FAM20B: variants seen among roughly 807,000 people sequenced by gnomAD.
The protein encoded by FAM20B is FAM20B glycosaminoglycan xylosylkinase.
FAM20B carries 23 observed loss-of-function variants against 43.8 expected under a neutral mutation model. The ratio of observed to expected loss-of-function variants is 0.53; its 90% CI spans 0.38 to 0.74. The LOEUF (loss-of-function observed/expected upper bound fraction) is 0.74, where lower values mean the gene tolerates loss of function less well. Ranked by LOEUF, FAM20B falls within the 30% of genes least tolerant of loss-of-function variation. The pLI, the probability that FAM20B is intolerant of heterozygous loss-of-function variation, is 0.00. For synonymous variants in FAM20B, 178 were observed against 192.4 expected (o/e 0.93, Z 0.62); for missense variants, 440 against 510.5 (o/e 0.86, Z 1.33).
Position 179,050,286 on chromosome 1 carries a change from C to A in FAM20B, c.385C>A (p.Arg129=). ...TTCCCATTCACTTTGCAGGTATAGCCGAGACCATGTGGTGGAAGGGGAACC... is the reference window on the plus strand; with the variant it reads ...TTCCCATTCACTTTGCAGGTATAGCAGAGACCATGTGGTGGAAGGGGAACC... ...KVVFKPKRYS[R]DHVVEGEPYA... The change falls in exon 3 of 8, where the codon CGA becomes AGA. Residue 129 remains arginine (R), a synonymous_variant. Transcript: ENST00000263733. 2 of 1,613,076 alleles carry A rather than the reference C, an allele frequency of 1.2e-6. No homozygotes were observed. The highest frequency in any genetic ancestry group is 2.2e-5 in the East Asian group (1 of 44,870).
At chr1:179,052,350 T>C (rs982219331) in intron 3 of FAM20B, among the ~76,000 whole-genome samples, 1 of 152,206 alleles carries the variant, frequency 6.6e-6, no homozygotes, top group African/African-American at 2.4e-5. Flanking sequence ...ATACTGTTTT[T>C]ACCTGTTGAA....
intron 2 of FAM20B, among the ~76,000 whole-genome samples, chr1:179,049,924 ACT>A (rs1157732166): frequency 6.6e-6 from 1 of 152,230 alleles, no homozygotes; most frequent in African/African-American, 2.4e-5. Context: ...TTAAGCACCA[ACT>A]ATGTGCTTAA....
the FAM20B span, among the ~76,000 whole-genome samples, chr1:179,020,033 G>C: frequency 6.6e-6 from 1 of 151,960 alleles, no homozygotes; most frequent in South Asian, 2.1e-4. Context: ...CCTCTGTTCG[G>C]GTCACCTCCC....
At chr1:179,036,715 T>C (rs759113563) in intron 1 of FAM20B, among the ~76,000 whole-genome samples, 25 of 152,154 alleles carry the variant, frequency 1.6e-4, no homozygotes, top group Non-Finnish European at 4.4e-5. Context: ...GTGAAGGGGA[T>C]CATTCTAAGG....
chr1:179,052,269 T>A (rs1424808044), intron 3 of FAM20B, among the ~76,000 whole-genome samples: 1 of 152,170 alleles, frequency 6.6e-6, no homozygotes, highest in Non-Finnish European at 1.5e-5. Context: ...ATAAACATTG[T>A]CAATTGCTAA....
rs573699107 is a variant in FAM20B, at chr1:179,062,806, A to G, written c.575-1121A>G. Among the ~76,000 whole-genome samples, 3 of 152,176 alleles carry G rather than the reference A, an allele frequency of 2.0e-5. No individual in the cohort carries two copies. In the East Asian group the frequency reaches 5.8e-4, roughly 29 times the overall value. On this transcript the variant is annotated intron_variant, in intron 4 of 7. Transcript: ENST00000263733. ...TGGTGAGAAGCCTGGTTACTGTTAC[A>G]CTCAGTCTGTCTACTTATTTGCTCA... is the stretch of plus-strand genomic sequence containing the variant.
chr1:179,047,511 C>T (rs1177145734), intron 2 of FAM20B, among the ~76,000 whole-genome samples: 1 of 152,100 alleles, frequency 6.6e-6, no homozygotes, highest in Non-Finnish European at 1.5e-5. Context: ...CCCCTGCTCC[C>T]GCATCATCTC....
intron 2 of FAM20B, among the ~76,000 whole-genome samples, chr1:179,049,622 C>A (rs952120032): frequency 1.3e-5 from 2 of 152,190 alleles, no homozygotes; most frequent in African/African-American, 4.8e-5. Flanking sequence ...CTCACTGCAA[C>A]CTCCGCCTCC....
intron 6 of FAM20B, among the ~76,000 whole-genome samples, chr1:179,065,957 C>T (rs1454803776): frequency 1.3e-5 from 2 of 152,172 alleles, no homozygotes; most frequent in African/African-American, 2.4e-5. Context: ...AACACGCTCC[C>T]TCTGGCCTCA....
the FAM20B span, among the ~76,000 whole-genome samples, chr1:179,017,439 T>A: frequency 6.6e-6 from 1 of 152,134 alleles, no homozygotes; most frequent in Non-Finnish European, 1.5e-5. Flanking sequence ...TACTTTTGAC[T>A]TTTTTTTCAT....
intron 2 of FAM20B, among the ~76,000 whole-genome samples, chr1:179,046,676 A>C (rs1056570098): frequency 3.3e-5 from 5 of 151,252 alleles, no homozygotes; most frequent in African/African-American, 4.9e-5. Context: ...AAAATAAATA[A>C]AGAGATGAGT....
intron 6 of FAM20B, 43 bp from the exon 7 acceptor site, chr1:179,066,757 C>T (rs1297805760): frequency 7.6e-7 from 1 of 1,320,440 alleles, no homozygotes; most frequent in Non-Finnish European, 1.1e-6. Flanking sequence ...AAGAAGAGAA[C>T]AGTACTTCCA....
upstream of FAM20B, among the ~76,000 whole-genome samples, chr1:179,023,337 G>A (rs2102473217): frequency 6.6e-6 from 1 of 152,352 alleles, no homozygotes; most frequent in South Asian, 2.1e-4. Context: ...TGGGAATAAA[G>A]ATGAAATAGT....
chr1:179,025,569 G>T (rs1438570762), upstream of FAM20B, among the ~76,000 whole-genome samples: 1 of 152,126 alleles, frequency 6.6e-6, no homozygotes, highest in African/African-American at 2.4e-5. Context: ...CCTAAGAAAA[G>T]CAGGAAAGAA....
intron 3 of FAM20B, among the ~76,000 whole-genome samples, chr1:179,052,164 G>A (rs1363696324): frequency 1.3e-5 from 2 of 152,022 alleles, no homozygotes; most frequent in African/African-American, 4.8e-5. Flanking sequence ...AGTATTAATA[G>A]CCTTAATATG....
intron 2 of FAM20B, 125 bp downstream of exon 2, chr1:179,044,349 G>T: frequency 9.8e-7 from 1 of 1,023,800 alleles, no homozygotes; most frequent in Admixed American, 2.7e-5. Flanking sequence ...GGGTAGACTA[G>T]ATCTCTAAAG....
At position 179,049,344 on chromosome 1, in the gene FAM20B, C is replaced by T. The variant is rs3766632; in HGVS notation, c.378-935C>T. On this transcript the variant is annotated intron_variant, in intron 2 of 7. Transcript: ENST00000263733. ...CCCAGTCAAGTAATGACAGCCACAC[C>T]AACCTCCCACTGCCAGTCCAGGACT... Among the ~76,000 whole-genome samples, 16 of 152,168 alleles carry T rather than the reference C, an allele frequency of 1.1e-4. No individual in the cohort carries two copies. The East Asian group carries it at 3.1e-3, about 29-fold the overall frequency.
At chr1:179,056,867 C>A (rs1240204837) in intron 4 of FAM20B, among the ~76,000 whole-genome samples, 1 of 152,040 alleles carries the variant, frequency 6.6e-6, no homozygotes, top group Non-Finnish European at 1.5e-5. Context: ...TTTGCATCTC[C>A]CTGATGACAT....
At position 179,043,979 on chromosome 1, in the gene FAM20B, G is replaced by A. The variant is rs766961096; in HGVS notation, c.132G>A (p.Met44Ile). Residue 44 changes from methionine to isoleucine, a missense_variant, in exon 2 of 8, where the codon ATG becomes ATA. Physicochemically the swap from Met to Ile is conservative, Grantham distance 10 (BLOSUM62 1). Coordinates refer to ENST00000263733, the MANE Select transcript of FAM20B (RefSeq NM_014864.4). ...AGGACCAGAGGGCCTTTCACCGAAT[G>A]ATGACTGGCTTGCGGGTGGAGCTGG... ...NREDQRAFHRMMTGLRVELAP... is the reference protein window; with the variant it reads ...NREDQRAFHRIMTGLRVELAP... The A allele has an allele frequency of 3.1e-6, 5 of 1,614,226 alleles. No homozygotes were observed. In the East Asian group the frequency reaches 1.1e-4, roughly 36 times the overall value.
Sources: gnomAD v4.1 joint callset for allele counts (sites outside exome capture counted in the v4.1 genomes callset) on GRCh38, gnomAD v4.1.1 for gene constraint, MANE v1.5 for transcripts, NCBI Gene and HGNC (gene_info 2026-07-23, HGNC 2026-07-21) for gene names.